The following TGFBR3 variants were observed in gnomAD, a reference collection of about 807,000 sequenced individuals.
TGFBR3 encodes transforming growth factor beta receptor type 3.
A neutral mutation model predicts 87.9 loss-of-function variants in TGFBR3; 46 were observed. The observed-to-expected ratio is 0.52, with a 90% confidence interval of 0.41 to 0.67. TGFBR3 has a LOEUF of 0.67. Ranked by LOEUF, TGFBR3 falls within the 30% of genes least tolerant of loss-of-function variation. The pLI, the probability that TGFBR3 is intolerant of heterozygous loss-of-function variation, is 0.00. For synonymous variants in TGFBR3, 381 were observed against 391.6 expected, an observed-to-expected ratio of 0.97 and a Z score of 0.32; for missense variants, 866 against 1,041.9, an observed-to-expected ratio of 0.83 and a Z score of 2.32.
At chr1:91,770,302 T>C (rs1046299802) in intron 3 of TGFBR3, among the ~76,000 whole-genome samples, 10 of 151,568 alleles carry the variant, frequency 6.6e-5, no homozygotes, top group African/African-American at 2.2e-4. Context: ...TGAACTTACA[T>C]AGACTGATTC....
chr1:91,810,959 G>A lies in TGFBR3; in HGVS notation c.62-13488C>T, dbSNP rs76516328. Among the ~76,000 whole-genome samples, 453 of 152,312 alleles carry A rather than the reference G, an allele frequency of 3.0e-3. 2 individuals are homozygous for A. Among genetic ancestry groups the A allele is most frequent in the African/African-American group, 0.011 (441 of 41,574 alleles). Reference sequence around the variant, plus strand: ...ATTTGAGTGCCAAACCTAGCTCTGCGCTTTCTAGCAGGCAGGATGAAAAGA... The same window carrying A: ...ATTTGAGTGCCAAACCTAGCTCTGCACTTTCTAGCAGGCAGGATGAAAAGA... On this transcript the variant is annotated intron_variant, in intron 2 of 16. Coordinates refer to ENST00000212355, the MANE Select transcript of TGFBR3 (RefSeq NM_003243.5).
chr1:91,875,910 CAAAAAAAAA>C (rs34185299), intron 1 of TGFBR3, among the ~76,000 whole-genome samples: 1 of 64,154 alleles, frequency 1.6e-5, no homozygotes, highest in Non-Finnish European at 3.1e-5. Context: ...GACTCCGTCT[CAAAAAAAAA>C]AAAAAAAAAA....
intron 2 of TGFBR3, among the ~76,000 whole-genome samples, chr1:91,833,598 C>T (rs906418822): frequency 4.6e-5 from 7 of 150,548 alleles, no homozygotes; most frequent in Admixed American, 3.3e-4. Context: ...TGAAACCCCA[C>T]ATCTACTAAA....
At chr1:91,737,564 A>G (rs920725746) in intron 4 of TGFBR3, among the ~76,000 whole-genome samples, 7 of 152,058 alleles carry the variant, frequency 4.6e-5, no homozygotes, top group African/African-American at 1.7e-4. Context: ...AGACCTCACT[A>G]GCTCCCAAGA....
rs562886709 is a variant in TGFBR3 at position 91,769,682 on chromosome 1, C to T, written c.247-10932G>A. On this transcript the variant is annotated intron_variant, in intron 3 of 16. Transcript: ENST00000212355. ...AATACAACACATCCTGAAGGGGATG[C>T]CCTGTTTCCATGTGTGTATTTTACT... 2.1e-4 allele frequency among the ~76,000 whole-genome samples: 32 copies of T among 151,836 alleles called. 1 individual carries two copies. Among genetic ancestry groups the T allele is most frequent in the African/African-American group, 7.3e-4 (30 of 41,368 alleles).
chr1:91,761,018 A>T (rs1424459425), intron 3 of TGFBR3, among the ~76,000 whole-genome samples: 1 of 152,218 alleles, frequency 6.6e-6, no homozygotes, highest in Non-Finnish European at 1.5e-5. Flanking sequence ...TTTATTCAAG[A>T]CTATTTACTG....
chr1:91,832,793 A>G (rs1571554794), intron 2 of TGFBR3, among the ~76,000 whole-genome samples: 2 of 151,044 alleles, frequency 1.3e-5, no homozygotes, highest in East Asian at 3.9e-4. Context: ...ACATGAGGCC[A>G]GGAGTTCAAG....
At chr1:91,771,491 T>A (rs369017041) in intron 3 of TGFBR3, among the ~76,000 whole-genome samples, 1 of 151,894 alleles carries the variant, frequency 6.6e-6, no homozygotes, top group East Asian at 1.9e-4. Flanking sequence ...GATCCTGAGG[T>A]CAGGAGGTCA....
At chr1:91,702,900 C>G (rs1280170786) in intron 14 of TGFBR3, among the ~76,000 whole-genome samples, 1 of 152,022 alleles carries the variant, frequency 6.6e-6, no homozygotes, top group Non-Finnish European at 1.5e-5. Flanking sequence ...CAAAAATTAG[C>G]TGGGCGTGGT....
intron 2 of TGFBR3, among the ~76,000 whole-genome samples, chr1:91,853,339 G>C (rs1297831176): frequency 1.3e-5 from 2 of 149,132 alleles, no homozygotes; most frequent in Non-Finnish European, 3.0e-5. Context: ...GAACCTTTGA[G>C]CCTATCCATC....
Position 91,683,896 on chromosome 1 carries a change from G to A in TGFBR3, c.2438-39C>T, listed in dbSNP as rs750339346. ...AGAAAAGGCAGAGTCAGAGAAAGAC[G>A]CATATTATGTATGTGCATTCCTGAA... is the stretch of plus-strand genomic sequence containing the variant. On this transcript the variant is annotated intron_variant, in intron 16 of 16. Transcript: ENST00000212355. The A allele has an allele frequency of 1.2e-5, 18 of 1,511,056 alleles. No homozygotes were observed. The East Asian group carries it at 1.2e-4, about 10-fold the overall frequency. The allele number at this position is 1,511,056 out of a possible 1,614,324, so 93.6% of individuals were successfully genotyped here.
intron 2 of TGFBR3, among the ~76,000 whole-genome samples, chr1:91,842,130 A>C (rs1441659301): frequency 6.6e-6 from 1 of 152,112 alleles, no homozygotes; most frequent in Non-Finnish European, 1.5e-5. Context: ...AAAGAAAAGA[A>C]AAAAGAAAAA....
chr1:91,702,412 C>T (rs976458897), intron 14 of TGFBR3, among the ~76,000 whole-genome samples: 3 of 151,778 alleles, frequency 2.0e-5, no homozygotes, highest in Non-Finnish European at 4.4e-5. Flanking sequence ...TTTGGGAGGC[C>T]GAGACGGGCG....
chr1:91,716,084 T>C, intron 12 of TGFBR3, 152 bp downstream of exon 12: 1 of 882,016 alleles, frequency 1.1e-6, no homozygotes, highest in Non-Finnish European at 1.8e-6. Flanking sequence ...GAAGTCAGTC[T>C]GGAAGCGTTC....
chr1:91,759,117 T>C (rs1428751591), intron 3 of TGFBR3, among the ~76,000 whole-genome samples: 2 of 152,066 alleles, frequency 1.3e-5, no homozygotes, highest in African/African-American at 4.8e-5. Context: ...ATGACTAAGG[T>C]GAAACTTGGA....
At chr1:91,733,743 A>T (rs958934230) in intron 5 of TGFBR3, among the ~76,000 whole-genome samples, 1 of 152,210 alleles carries the variant, frequency 6.6e-6, no homozygotes, top group Non-Finnish European at 1.5e-5. Flanking sequence ...AATGATTTTT[A>T]AAAAAAGGTC....
chr1:91,870,599 G>A (rs1678544978), intron 1 of TGFBR3, among the ~76,000 whole-genome samples: 1 of 152,118 alleles, frequency 6.6e-6, no homozygotes, highest in South Asian at 2.1e-4. Context: ...ATCATCTACT[G>A]AACACCTATC....
chr1:91,688,360 G>A (rs1357854059), intron 16 of TGFBR3, among the ~76,000 whole-genome samples: 1 of 152,104 alleles, frequency 6.6e-6, no homozygotes, highest in Non-Finnish European at 1.5e-5. Flanking sequence ...AAATCAGGTG[G>A]AGGAGGAAGG....
At chr1:91,856,132 A>G (rs541263049) in intron 2 of TGFBR3, among the ~76,000 whole-genome samples, 1 of 152,050 alleles carries the variant, frequency 6.6e-6, no homozygotes, top group African/African-American at 2.4e-5. Flanking sequence ...GCGCGATCTC[A>G]GCTCACTGCA....
Sources: gnomAD v4.1 joint callset for allele counts (sites outside exome capture counted in the v4.1 genomes callset) on GRCh38, gnomAD v4.1.1 for gene constraint, MANE v1.5 for transcripts, NCBI Gene and HGNC (gene_info 2026-07-23, HGNC 2026-07-21) for gene names.